The following ADARB2 variants were observed in gnomAD, a reference collection of about 807,000 sequenced individuals.
The protein encoded by ADARB2 is adenosine deaminase RNA specific B2 (inactive).
ADARB2 carries 25 observed loss-of-function variants against 62.2 expected under a neutral mutation model. The ratio of observed to expected loss-of-function variants is 0.40; its 90% CI spans 0.29 to 0.56. The LOEUF is 0.56. ADARB2 is among the 20% of genes least tolerant of loss of function. The pLI is 0.43. For synonymous variants in ADARB2, 572 were observed against 500.8 expected (o/e 1.14, Z -1.90); for missense variants, 1,071 against 1,077.4 (o/e 0.99, Z 0.08).
intron 1 of ADARB2, among the ~76,000 whole-genome samples, chr10:1,686,514 T>C (rs1464531379): frequency 1.3e-5 from 2 of 152,184 alleles, no homozygotes; most frequent in Non-Finnish European, 2.9e-5. Context: ...AACAAGGCTG[T>C]GGATTGCTGA....
At chr10:1,625,141 G>A (rs561141771) in intron 1 of ADARB2, among the ~76,000 whole-genome samples, 19 of 152,314 alleles carry the variant, frequency 1.2e-4, no homozygotes, top group African/African-American at 4.3e-4. Context: ...GACGAGTCCT[G>A]AGAGCTAAAC....
At position 1,672,555 on chromosome 10, in the gene ADARB2, T is replaced by C. The variant is rs374861251; in HGVS notation, c.100+64496A>G. On this transcript the variant is annotated intron_variant, in intron 1 of 9. Transcript: ENST00000381312. ...TTCCTCTCTGCAGGCCTCGCGCAGC[T>C]CCTGCCTCCCCCCATGCACGCGCTT... 2.6e-5 allele frequency among the ~76,000 whole-genome samples: 4 copies of C among 151,718 alleles called. No individual in the cohort carries two copies. The East Asian group carries it at 7.8e-4, about 30-fold the overall frequency.
intron 2 of ADARB2, among the ~76,000 whole-genome samples, chr10:1,377,331 G>A (rs566111797): frequency 6.8e-4 from 99 of 144,942 alleles, no homozygotes; most frequent in Non-Finnish European, 1.1e-3. Flanking sequence ...CACATGCCTG[G>A]TGTGTGCTCC....
Position 1,279,216 on chromosome 10 carries a change from C to T in ADARB2, c.1078-8147G>A, listed in dbSNP as rs192556514. Among the ~76,000 whole-genome samples the T allele has an allele frequency of 2.8e-3, 431 of 152,250 alleles. 1 individual carries two copies. The highest frequency in any genetic ancestry group is 0.01 in the Middle Eastern group (3 of 294). ...TTCTTTCTGAGGCCTTTTCTCTTGG[C>T]GCGTGGGTGCTGCCATCTTGTCATG... On this transcript the variant is annotated intron_variant, in intron 3 of 9. Transcript: ENST00000381312.
chr10:1,396,528 C>T (rs1248803148), intron 1 of ADARB2, among the ~76,000 whole-genome samples: 1 of 152,212 alleles, frequency 6.6e-6, no homozygotes, highest in South Asian at 2.1e-4. Flanking sequence ...TTCCTCCCTG[C>T]CATCCCCGCC....
At chr10:1,219,639 C>T (rs1236904323) in intron 6 of ADARB2, among the ~76,000 whole-genome samples, 1 of 152,162 alleles carries the variant, frequency 6.6e-6, no homozygotes, top group Non-Finnish European at 1.5e-5. Flanking sequence ...CAAATCTCTT[C>T]TTTGCAGCTT....
chr10:1,524,683 C>A (rs527569148), intron 1 of ADARB2, among the ~76,000 whole-genome samples: 4 of 152,292 alleles, frequency 2.6e-5, no homozygotes, highest in Non-Finnish European at 5.9e-5. Context: ...ATTACGAGAA[C>A]AGCACAGCCC....
chr10:1,481,790 A>G (rs1031598522), intron 1 of ADARB2, among the ~76,000 whole-genome samples: 1 of 151,488 alleles, frequency 6.6e-6, no homozygotes, highest in Non-Finnish European at 1.5e-5. Context: ...CCAGGAGGTG[A>G]AGTTTGCAGT....
At chr10:1,446,069 G>A (rs55825527) in intron 1 of ADARB2, among the ~76,000 whole-genome samples, 131,928 of 151,986 alleles carry the variant, frequency 0.87, 57,884 homozygotes, top group Non-Finnish European at 0.93. Context: ...GGAAGGGAGG[G>A]GGTGAAGGAA....
At chr10:1,316,184 C>T (rs142968694) in intron 3 of ADARB2, among the ~76,000 whole-genome samples, 21 of 152,312 alleles carry the variant, frequency 1.4e-4, no homozygotes, top group East Asian at 3.9e-4. Context: ...TCCCACTTGC[C>T]GTTTAATTTT....
At chr10:1,295,723 A>T (rs1164134635) in intron 3 of ADARB2, among the ~76,000 whole-genome samples, 2 of 151,938 alleles carry the variant, frequency 1.3e-5, no homozygotes, top group African/African-American at 4.9e-5. Context: ...GAATTACCTA[A>T]GTTTAAAATA....
intron 1 of ADARB2, among the ~76,000 whole-genome samples, chr10:1,646,244 G>A (rs906356732): frequency 2.0e-5 from 3 of 152,240 alleles, no homozygotes; most frequent in Admixed American, 2.0e-4. Context: ...GCTCGTGACA[G>A]TTCCCTTTAC....
chr10:1,421,221 A>G (rs1588252396), intron 1 of ADARB2, among the ~76,000 whole-genome samples: 1 of 151,868 alleles, frequency 6.6e-6, no homozygotes, highest in Admixed American at 6.6e-5. Flanking sequence ...GTCAAAGCAC[A>G]GCCTGTGCAC....
intron 1 of ADARB2, among the ~76,000 whole-genome samples, chr10:1,668,991 G>A (rs1434212855): frequency 6.6e-6 from 1 of 152,212 alleles, no homozygotes; most frequent in African/African-American, 2.4e-5. Flanking sequence ...ACCTTGGGCT[G>A]GTTGGCCGTG....
At chr10:1,644,280 G>A (rs1188617886) in intron 1 of ADARB2, among the ~76,000 whole-genome samples, 1 of 152,172 alleles carries the variant, frequency 6.6e-6, no homozygotes, top group East Asian at 1.9e-4. Flanking sequence ...TACTGCGCTG[G>A]GAACAGCACT....
intron 3 of ADARB2, among the ~76,000 whole-genome samples, chr10:1,337,062 CTGTGTGTGTGTG>C (rs145511384): frequency 6.3e-5 from 9 of 142,048 alleles, no homozygotes; most frequent in African/African-American, 1.1e-4. Flanking sequence ...TTAAAGATTT[CTGTGTGTGTGTG>C]TGTGTGTGTG....
At chr10:1,457,713 C>T (rs1831111984) in intron 1 of ADARB2, among the ~76,000 whole-genome samples, 1 of 152,192 alleles carries the variant, frequency 6.6e-6, no homozygotes, top group South Asian at 2.1e-4. Context: ...AAACTGCTCA[C>T]AACGAAATTC....
chr10:1,519,488 G>A (rs1014193782), intron 1 of ADARB2, among the ~76,000 whole-genome samples: 3 of 152,106 alleles, frequency 2.0e-5, no homozygotes, highest in Non-Finnish European at 2.9e-5. Flanking sequence ...TGCTTGCATC[G>A]TAGGGGCCTA....
intron 3 of ADARB2, among the ~76,000 whole-genome samples, chr10:1,347,620 C>T (rs1273576129): frequency 2.6e-5 from 4 of 152,328 alleles, no homozygotes; most frequent in Admixed American, 6.5e-5. Flanking sequence ...CCTCAGCCCT[C>T]ACCTCAGCTC....
Sources: allele counts gnomAD v4.1 joint callset (sites outside exome capture counted in the v4.1 genomes callset), GRCh38; gene constraint gnomAD v4.1.1; transcripts MANE v1.5; gene names NCBI Gene and HGNC (gene_info 2026-07-23, HGNC 2026-07-21).